Variants in SMAD3 observed in about 807,000 individuals in gnomAD.
SMAD3 encodes SMAD family member 3.
Under a neutral mutation model 51.8 loss-of-function variants are expected in SMAD3, and 12 were observed. The observed-to-expected ratio is 0.23, with a 90% CI of 0.15 to 0.38. SMAD3 has a LOEUF of 0.38. SMAD3 is among the 10% of genes least tolerant of loss of function. The pLI is 1.00. For synonymous variants in SMAD3, 238 were observed against 227.7 expected (o/e 1.05, Z -0.41); for missense variants, 294 against 565.6 (o/e 0.52, Z 4.87).
At chr15:67,143,645 G>T (rs1431848196) in intron 1 of SMAD3, among the ~76,000 whole-genome samples, 1 of 152,194 alleles carries the variant, frequency 6.6e-6, no homozygotes, top group Non-Finnish European at 1.5e-5. Context: ...TGTTGACCAG[G>T]CTGGTCTTGA....
intron 1 of SMAD3, among the ~76,000 whole-genome samples, chr15:67,149,476 A>G (rs1215991445): frequency 7.9e-5 from 12 of 152,146 alleles, no homozygotes; most frequent in African/African-American, 2.4e-4. Context: ...GCTTTCAGAC[A>G]AGGGCCACTT....
chr15:67,113,076 G>GTATATATATATATATATA (rs1555408269), intron 1 of SMAD3, among the ~76,000 whole-genome samples: 10 of 34,986 alleles, frequency 2.9e-4, no homozygotes, highest in South Asian at 1.5e-3. Context: ...ATATATATGT[G>GTATATATATATATATATA]TATATATATA....
rs1487765616 is a variant in SMAD3, at chr15:67,164,901, G to A, written c.213G>A (p.Leu71=). The A allele has an allele frequency of 5.6e-6, 9 of 1,612,936 alleles. No homozygotes were observed. Among genetic ancestry groups the A allele is most frequent in the South Asian group, 1.1e-5 (1 of 91,016 alleles). The part of the protein sequence containing the change: ...NTKCITIPRS[L]DGRLQVSHRK... ...CCCCTCCCCGTCCTGGCAGGTCCCT[G>A]GATGGCCGGTTGCAGGTGTCCCATC... The change falls in exon 2 of 9, where the codon CTG becomes CTA. Residue 71 remains leucine, a synonymous_variant. Transcript: ENST00000327367.
chr15:67,137,154 A>G (rs145782505), intron 1 of SMAD3, among the ~76,000 whole-genome samples: 537 of 152,324 alleles, frequency 3.5e-3, no homozygotes, highest in Non-Finnish European at 5.1e-3. Context: ...GTTTTTGCCA[A>G]GGCTTGACTT....
chr15:67,089,512 C>G (rs1179562474), intron 1 of SMAD3, among the ~76,000 whole-genome samples: 2 of 152,172 alleles, frequency 1.3e-5, no homozygotes, highest in Non-Finnish European at 2.9e-5. Flanking sequence ...GCACAACTTA[C>G]AGTTAGCGCA....
At chr15:67,126,963 G>A (rs771048353) in intron 1 of SMAD3, among the ~76,000 whole-genome samples, 10 of 152,356 alleles carry the variant, frequency 6.6e-5, no homozygotes, top group Middle Eastern at 6.8e-3. Flanking sequence ...GCACTCATTA[G>A]AGGGCAGCTC....
intron 1 of SMAD3, among the ~76,000 whole-genome samples, chr15:67,068,238 G>A (rs1027319449): frequency 6.6e-6 from 1 of 152,204 alleles, no homozygotes; most frequent in African/African-American, 2.4e-5. Flanking sequence ...TCATAGACAT[G>A]GGGTTCTGCC....
At chr15:67,144,909 C>G (rs1009051307) in intron 1 of SMAD3, among the ~76,000 whole-genome samples, 1 of 152,010 alleles carries the variant, frequency 6.6e-6, no homozygotes, top group Non-Finnish European at 1.5e-5. Flanking sequence ...CAGAGGATTG[C>G]GTGATGGGGG....
At chr15:67,078,265 G>A (rs373920008) in intron 1 of SMAD3, among the ~76,000 whole-genome samples, 7 of 152,320 alleles carry the variant, frequency 4.6e-5, no homozygotes, top group East Asian at 1.9e-4. Context: ...CCATGCAGAT[G>A]CCTGGTCTAC....
At chr15:67,150,906 A>AGTG (rs1403643823) in intron 1 of SMAD3, among the ~76,000 whole-genome samples, 1 of 121,198 alleles carries the variant, frequency 8.3e-6, no homozygotes, top group African/African-American at 3.2e-5. Flanking sequence ...CCCAGGCTAG[A>AGTG]GTGCAGTGGC....
chr15:67,094,964 C>G (rs1960585130), intron 1 of SMAD3, among the ~76,000 whole-genome samples: 2 of 152,318 alleles, frequency 1.3e-5, no homozygotes, highest in South Asian at 4.1e-4. Flanking sequence ...TTGGGTAAGT[C>G]ACGCCACTTC....
chr15:67,190,922 G>T lies in SMAD3; in HGVS notation c.*386G>T. 3.2e-6 allele frequency: 1 copy of T among 314,060 alleles called. No individual in the cohort carries two copies. The highest frequency in any genetic ancestry group is 6.5e-5 in the South Asian group (1 of 15,476). 19.5% of individuals were successfully genotyped at this position (314,060 alleles called of 1,614,324 possible). A position where few individuals can be genotyped will look rare whatever the true frequency, so the allele number is the denominator to read the frequency against. On this transcript the variant is annotated 3_prime_UTR_variant, in exon 9 of 9. Coordinates refer to ENST00000327367, the MANE Select transcript of SMAD3 (RefSeq NM_005902.4). Reference sequence around the variant, plus strand: ...CCTCTGTCTAGGACTGCAGTGTGGAGTTCACCTTGGAAGGGCGTTCTAGGT... The same window carrying T: ...CCTCTGTCTAGGACTGCAGTGTGGATTTCACCTTGGAAGGGCGTTCTAGGT...
intron 1 of SMAD3, chr15:67,142,896 G>C (rs1282394289): frequency 4.4e-6 from 2 of 451,208 alleles, no homozygotes; most frequent in Non-Finnish European, 8.9e-6. Flanking sequence ...GACAGCTCCA[G>C]CCTCTGCATA....
intron 1 of SMAD3, among the ~76,000 whole-genome samples, chr15:67,163,449 A>G (rs1482450905): frequency 6.6e-6 from 1 of 152,154 alleles, no homozygotes; most frequent in Admixed American, 6.5e-5. Flanking sequence ...AATACCAGAC[A>G]CTATCTGAAG....
intron 1 of SMAD3, among the ~76,000 whole-genome samples, chr15:67,164,190 C>G (rs1040204127): frequency 6.6e-6 from 1 of 150,682 alleles, no homozygotes; most frequent in Non-Finnish European, 1.5e-5. Context: ...TGGCGGGTGC[C>G]TGTGGTCCCA....
chr15:67,131,223 C>T (rs377736340), intron 1 of SMAD3, among the ~76,000 whole-genome samples: 17 of 152,304 alleles, frequency 1.1e-4, no homozygotes, highest in East Asian at 7.7e-4. Context: ...CCAGAGTACT[C>T]GGCAGATTCC....
rs59880604 is a variant in SMAD3, at chr15:67,164,316, G to GAAA, written c.207-552_207-550dup. ...GGCAACAGAGCGAGACTCCGTCTCA[G>GAAA]AAAAAAAAAAAAAAAAAAAAAAAAA... On this transcript the variant is annotated intron_variant, in intron 1 of 8. Transcript: ENST00000327367. Among the ~76,000 whole-genome samples, 206 of 83,606 alleles carry GAAA rather than the reference G, an allele frequency of 2.5e-3. 5 individuals carry two copies. Among genetic ancestry groups the GAAA allele is most frequent in the Middle Eastern group, 6.3e-3 (1 of 158 alleles). 54.8% of individuals were successfully genotyped at this position (83,606 alleles called of 152,430 possible).
intron 3 of SMAD3, chr15:67,166,154 CCTT>C: frequency 9.9e-7 from 1 of 1,011,136 alleles, no homozygotes; most frequent in Non-Finnish European, 1.2e-6. Flanking sequence ...CACTGTCCAA[CCTT>C]CTCAGATCCT....
intron 1 of SMAD3, among the ~76,000 whole-genome samples, chr15:67,153,846 T>A (rs190026850): frequency 3.3e-4 from 51 of 152,332 alleles, no homozygotes; most frequent in Non-Finnish European, 5.7e-4. Context: ...CTGCGTGCTT[T>A]ACAGATAATT....
Sources: gnomAD v4.1 joint callset for allele counts (sites outside exome capture counted in the v4.1 genomes callset) on GRCh38, gnomAD v4.1.1 for gene constraint, MANE v1.5 for transcripts, NCBI Gene and HGNC (gene_info 2026-07-23, HGNC 2026-07-21) for gene names.